The following DDX60L variants were observed in gnomAD, a reference collection of about 807,000 sequenced individuals.
DDX60L encodes DExD/H-box 60 like.
In DDX60L, 191 loss-of-function variants were observed where a neutral mutation model predicts 211.6. The ratio of observed to expected loss-of-function variants is 0.90; its 90% CI spans 0.80 to 1.02. The LOEUF is 1.02. Ranked by LOEUF, DDX60L falls within the 50% of genes least tolerant of loss-of-function variation. The pLI is 0.00. For missense variants in DDX60L, 2,007 were observed against 1,984.1 expected (o/e 1.01, Z -0.22); for synonymous variants, 706 against 694.1 (o/e 1.02, Z -0.27).
chr4:168,460,817 G>A (rs1421590804), intron 5 of DDX60L, among the ~76,000 whole-genome samples: 1 of 152,172 alleles, frequency 6.6e-6, no homozygotes, highest in Non-Finnish European at 1.5e-5. Context: ...TTCACATGCT[G>A]ACAGACCAGC....
chr4:168,470,997 G>A (rs6838031), intron 4 of DDX60L, among the ~76,000 whole-genome samples: 20,332 of 152,176 alleles, frequency 0.13, 1,889 homozygotes, highest in Non-Finnish European at 0.19. Context: ...ACGTGCATGC[G>A]TGTGTCAAAA....
chr4:168,442,146 G>A (rs975892845), intron 9 of DDX60L, among the ~76,000 whole-genome samples: 1 of 152,034 alleles, frequency 6.6e-6, no homozygotes, highest in African/African-American at 2.4e-5. Flanking sequence ...GTGGGTGCGC[G>A]CACCGTGTGC....
At chr4:168,393,233 C>T (rs555951799) in intron 28 of DDX60L, among the ~76,000 whole-genome samples, 1 of 152,306 alleles carries the variant, frequency 6.6e-6, no homozygotes, top group African/African-American at 2.4e-5. Flanking sequence ...TGGTGGCTCA[C>T]GCCTGTAATA....
intron 30 of DDX60L, chr4:168,380,670 G>A (rs891231565): frequency 1.3e-5 from 2 of 152,162 alleles, no homozygotes; most frequent in African/African-American, 4.8e-5. Flanking sequence ...TGATACTGAG[G>A]AGTGGGGCAC....
chr4:168,437,636 T>A (rs1237192641), intron 10 of DDX60L, among the ~76,000 whole-genome samples: 1 of 152,150 alleles, frequency 6.6e-6, no homozygotes, highest in South Asian at 2.1e-4. Context: ...CTAGCGTTAA[T>A]GTTAAAATAG....
intron 14 of DDX60L, among the ~76,000 whole-genome samples, chr4:168,424,046 A>G (rs1271059048): frequency 6.6e-6 from 1 of 152,236 alleles, no homozygotes; most frequent in Non-Finnish European, 1.5e-5. Context: ...TTTGTGATTT[A>G]TAGCAGAAAT....
At position 168,421,861 on chromosome 4, in the gene DDX60L, C is replaced by G; in HGVS notation, c.2293G>C (p.Ala765Pro). 1 of 1,614,168 alleles carries G rather than the reference C, an allele frequency of 6.2e-7. No homozygotes were observed. Among genetic ancestry groups the G allele is most frequent in the Non-Finnish European group, 8.5e-7 (1 of 1,180,020 alleles). ...TAGGTTTTGCCTGAGGACGTTGGGGCAACAATCACTGCTGACTCATTCTTA... is the reference window on the plus strand; with the variant it reads ...TAGGTTTTGCCTGAGGACGTTGGGGGAACAATCACTGCTGACTCATTCTTA... ...VDKNESAVIV[A>P]PTSSGKTYAS... The change falls in exon 17 of 38, where the codon GCC (alanine) becomes CCC (proline). Residue 765 changes from alanine to proline, a missense_variant. Physicochemically the swap from Ala to Pro is conservative, Grantham distance 27 (BLOSUM62 -1). Transcript: ENST00000682922.
intron 6 of DDX60L, among the ~76,000 whole-genome samples, 171 bp downstream of exon 6, chr4:168,457,721 T>C (rs1453753988): frequency 6.6e-6 from 1 of 152,190 alleles, no homozygotes. Context: ...TGCCATCCGA[T>C]GAATTCAAGG....
At chr4:168,419,261 G>T (rs1056594036) in intron 19 of DDX60L, 41 bp downstream of exon 19, 3 of 1,414,248 alleles carry the variant, frequency 2.1e-6, no homozygotes. Flanking sequence ...TAGGGTGTAT[G>T]CAGACTAGAA....
chr4:168,390,967 T>C (rs1744706506), intron 29 of DDX60L, among the ~76,000 whole-genome samples: 1 of 142,968 alleles, frequency 7.0e-6, no homozygotes, highest in Non-Finnish European at 1.6e-5. Flanking sequence ...ACAAAAACCT[T>C]TTTAAAAAAA....
intron 10 of DDX60L, among the ~76,000 whole-genome samples, chr4:168,438,878 C>T (rs373746621): frequency 2.6e-5 from 4 of 152,302 alleles, no homozygotes; most frequent in African/African-American, 7.2e-5. Context: ...CTTGAAAATA[C>T]GTATATATTA....
intron 4 of DDX60L, 122 bp from the exon 5 acceptor site, chr4:168,462,162 C>T: frequency 1.4e-6 from 1 of 732,526 alleles, no homozygotes; most frequent in East Asian, 2.7e-5. Context: ...TTGTTTTGCT[C>T]AAGGGCCTTA....
At position 168,358,124 on chromosome 4, in the gene DDX60L, A is replaced by C. The variant is rs1369369720; in HGVS notation, c.*23T>G. The C allele has an allele frequency of 1.3e-6, 2 of 1,597,826 alleles. No individual in the cohort carries two copies. The highest frequency in any genetic ancestry group is 1.7e-6 in the Non-Finnish European group (2 of 1,169,620). The stretch of plus-strand genomic sequence containing the variant: ...GCAAAGGGATAAATACCACATAATC[A>C]GACTTGAAAGTTTTCCATGGTGTTA... On this transcript the variant is annotated 3_prime_UTR_variant, in exon 38 of 38. Transcript: ENST00000682922.
intron 14 of DDX60L, among the ~76,000 whole-genome samples, chr4:168,425,266 G>A (rs1289864336): frequency 6.6e-6 from 1 of 152,200 alleles, no homozygotes; most frequent in Admixed American, 6.5e-5. Context: ...AAACACATAT[G>A]CTAAAGCTTA....
chr4:168,437,574 G>A (rs1249243098), intron 10 of DDX60L, among the ~76,000 whole-genome samples: 3 of 152,198 alleles, frequency 2.0e-5, no homozygotes, highest in African/African-American at 4.8e-5. Flanking sequence ...AGGAAAGTCA[G>A]ATAGGCCTCA....
intron 4 of DDX60L, among the ~76,000 whole-genome samples, chr4:168,467,272 G>C (rs866115005): frequency 1.1e-4 from 17 of 151,932 alleles, no homozygotes; most frequent in Admixed American, 7.2e-4. Context: ...AGCCAACCAT[G>C]CTGCCACACG....
intron 17 of DDX60L, 83 bp from the exon 18 acceptor site, chr4:168,420,463 T>TAAACACACACAC (rs1175751123): frequency 2.5e-6 from 1 of 396,958 alleles, no homozygotes; most frequent in African/African-American, 2.5e-5. Flanking sequence ...TCCATACACA[T>TAAACACACACAC]ACACACACAC....
chr4:168,383,559 T>C (rs113382482), intron 30 of DDX60L, among the ~76,000 whole-genome samples: 5 of 152,304 alleles, frequency 3.3e-5, no homozygotes, highest in South Asian at 2.1e-4. Flanking sequence ...GAATGAGGTA[T>C]GGTGTCCAAT....
chr4:168,433,160 T>C (rs1166616002), intron 10 of DDX60L, 45 bp from the exon 11 acceptor site: 2 of 1,253,080 alleles, frequency 1.6e-6, no homozygotes, highest in African/African-American at 3.0e-5. Flanking sequence ...GGTGTAACTA[T>C]CCTATATGAA....
Sources: gnomAD v4.1 joint callset for allele counts (sites outside exome capture counted in the v4.1 genomes callset) on GRCh38, gnomAD v4.1.1 for gene constraint, MANE v1.5 for transcripts, NCBI Gene and HGNC (gene_info 2026-07-23, HGNC 2026-07-21) for gene names.